The following XKR4 variants were observed in gnomAD, a reference collection of about 807,000 sequenced individuals.
The protein encoded by XKR4 is XK related 4.
XKR4 carries 12 observed loss-of-function variants against 53.9 expected under a neutral mutation model. The ratio of observed to expected loss-of-function variants is 0.22; its 90% CI spans 0.14 to 0.36. The LOEUF is 0.36. Among genes scored for constraint, XKR4 ranks in the 10% least tolerant of loss-of-function variants. XKR4 has a pLI of 1.00. For missense variants in XKR4, 799 were observed against 859.5 expected, an observed-to-expected ratio of 0.93 and a Z score of 0.88; for synonymous variants, 354 against 362.4, an observed-to-expected ratio of 0.98 and a Z score of 0.26.
rs1280860465 is a variant in XKR4, at chr8:55,230,402, A to ACC, written c.806+127110_806+127111dup. Among the ~76,000 whole-genome samples, 23 of 142,608 alleles carry ACC rather than the reference A, an allele frequency of 1.6e-4. 1 individual carries two copies. In the South Asian group the frequency reaches 3.5e-3, roughly 22 times the overall value. 93.6% of individuals were successfully genotyped at this position (142,608 alleles called of 152,430 possible). On this transcript the variant is annotated intron_variant, in intron 1 of 2. Transcript: ENST00000327381. ...TTTGAGACAGGGTTTCTCTCCCATC[A>ACC]CCCAGCCTTGAGTGCAGTGGTGCAA...
intron 1 of XKR4, chr8:55,163,978 C>T (rs1206116578): frequency 1.4e-5 from 4 of 286,460 alleles, no homozygotes; most frequent in Non-Finnish European, 2.8e-5. Flanking sequence ...TTCATTAATG[C>T]CTGCGTGCAT....
chr8:55,228,096 G>A (rs1458561604), intron 1 of XKR4, among the ~76,000 whole-genome samples: 5 of 152,040 alleles, frequency 3.3e-5, no homozygotes, highest in Non-Finnish European at 7.4e-5. Context: ...TAGTAGAGAC[G>A]GGGTTTCATC....
chr8:55,270,523 C>T (rs900446617), intron 1 of XKR4, among the ~76,000 whole-genome samples: 41 of 152,290 alleles, frequency 2.7e-4, no homozygotes, highest in African/African-American at 8.9e-4. Context: ...CCATTGTGAA[C>T]ATCTCACAAA....
chr8:55,476,583 C>G (rs192883617), intron 2 of XKR4, among the ~76,000 whole-genome samples: 5 of 151,898 alleles, frequency 3.3e-5, no homozygotes, highest in Non-Finnish European at 5.9e-5. Flanking sequence ...CAAGCTGAAG[C>G]AGGGCGAGGC....
In XKR4 at chr8:55,351,985, C is replaced by T. The variant is rs185239119; in HGVS notation, c.807-5693C>T. Among the ~76,000 whole-genome samples the T allele has an allele frequency of 3.6e-4, 55 of 152,274 alleles. 1 individual carries two copies. The highest frequency in any genetic ancestry group is 6.2e-4 in the South Asian group (3 of 4,826). On this transcript the variant is annotated intron_variant, in intron 1 of 2. Coordinates refer to ENST00000327381, the MANE Select transcript of XKR4 (RefSeq NM_052898.2). ...TAAAAGGATGCATGTTAATTGAGTG[C>T]TTATTAATCATCAGAAACTGAGCCA... is the stretch of plus-strand genomic sequence containing the variant.
chr8:55,218,015 T>C (rs2129364892), intron 1 of XKR4, among the ~76,000 whole-genome samples: 1 of 152,330 alleles, frequency 6.6e-6, no homozygotes, highest in South Asian at 2.1e-4. Flanking sequence ...CCTTTTTGAC[T>C]GGATGTTTCA....
At chr8:55,468,667 A>G (rs147637186) in intron 2 of XKR4, among the ~76,000 whole-genome samples, 20 of 152,286 alleles carry the variant, frequency 1.3e-4, no homozygotes, top group Admixed American at 2.6e-4. Context: ...GAATCATAAT[A>G]TAAGGATATA....
intron 2 of XKR4, among the ~76,000 whole-genome samples, chr8:55,496,794 C>A (rs1475468730): frequency 1.3e-5 from 2 of 152,178 alleles, no homozygotes; most frequent in Non-Finnish European, 2.9e-5. Context: ...TTTCCTAGTT[C>A]AACATTTCTC....
intron 1 of XKR4, among the ~76,000 whole-genome samples, chr8:55,233,929 A>C (rs1198276703): frequency 1.3e-5 from 2 of 152,258 alleles, no homozygotes; most frequent in Non-Finnish European, 2.9e-5. Context: ...GAAAGATAAC[A>C]ATCAGATAAT....
intron 1 of XKR4, among the ~76,000 whole-genome samples, chr8:55,243,914 G>A (rs182436088): frequency 7.9e-5 from 12 of 152,268 alleles, no homozygotes; most frequent in Admixed American, 2.6e-4. Context: ...AGCACCTGCC[G>A]CACACAATAA....
intron 2 of XKR4, among the ~76,000 whole-genome samples, chr8:55,497,696 A>G (rs1215102193): frequency 1.3e-5 from 2 of 152,170 alleles, no homozygotes; most frequent in Non-Finnish European, 2.9e-5. Context: ...TGCAATGTAT[A>G]TTTCTCCTAT....
chr8:55,349,145 A>AT (rs1803691900), intron 1 of XKR4, among the ~76,000 whole-genome samples: 1 of 152,142 alleles, frequency 6.6e-6, no homozygotes, highest in African/African-American at 2.4e-5. Context: ...ATCTCATCTT[A>AT]TTTTTAATTA....
intron 1 of XKR4, among the ~76,000 whole-genome samples, chr8:55,202,326 G>A (rs1174013966): frequency 6.6e-6 from 1 of 152,230 alleles, no homozygotes; most frequent in East Asian, 1.9e-4. Flanking sequence ...TACCGAGGGA[G>A]GCTGGGAGTT....
At chr8:55,151,685 G>A (rs1277043104) in intron 1 of XKR4, among the ~76,000 whole-genome samples, 4 of 152,154 alleles carry the variant, frequency 2.6e-5, no homozygotes, top group South Asian at 2.1e-4. Context: ...TGCTGTATGC[G>A]CTCCCCTCAC....
chr8:55,419,427 T>C (rs947808881), intron 2 of XKR4, among the ~76,000 whole-genome samples: 1 of 152,202 alleles, frequency 6.6e-6, no homozygotes, highest in Non-Finnish European at 1.5e-5. Flanking sequence ...TATTCCAATG[T>C]ATTGGGCTTA....
chr8:55,254,636 C>A (rs1447073655), intron 1 of XKR4, among the ~76,000 whole-genome samples: 2 of 152,132 alleles, frequency 1.3e-5, no homozygotes, highest in African/African-American at 4.8e-5. Context: ...AGGCACTGAG[C>A]AGAGGGTCAG....
chr8:55,285,757 TTGTC>T (rs1372208335), intron 1 of XKR4, among the ~76,000 whole-genome samples: 1 of 152,192 alleles, frequency 6.6e-6, no homozygotes, highest in East Asian at 1.9e-4. Context: ...GGAGATGGCT[TTGTC>T]TGGCTCAGTC....
chr8:55,326,177 C>T (rs1197138617), intron 1 of XKR4, among the ~76,000 whole-genome samples: 2 of 152,078 alleles, frequency 1.3e-5, no homozygotes, highest in African/African-American at 2.4e-5. Flanking sequence ...GACAGGCAGA[C>T]CTGTTAGTAT....
In XKR4 at chr8:55,102,709, C is replaced by T; in HGVS notation, c.221C>T (p.Ser74Phe). The T allele has an allele frequency of 8.7e-7, 1 of 1,151,476 alleles. No homozygotes were observed. The highest frequency in any genetic ancestry group is 1.6e-5 in the African/African-American group (1 of 60,760). The allele number at this position is 1,151,476 out of a possible 1,614,324, so 71.3% of individuals were successfully genotyped here. Residue 74 changes from serine to phenylalanine, a missense_variant, in exon 1 of 3, where the codon TCC (serine) becomes TTC (phenylalanine). This residue lies in a region of XKR4 where 476 missense variants were observed against 505.4 expected (regional missense o/e 0.94). Coordinates refer to ENST00000327381, the MANE Select transcript of XKR4 (RefSeq NM_052898.2). The surrounding 1 kb of genome is among the most constrained non-coding windows in gnomAD (Gnocchi z 5.1). ...CCCCCAGSGG[S>F]AGSGGSGGVA... ...TGCTGCTGCGCCGGGAGTGGCGGCT[C>T]CGCGGGCTCGGGCGGCTCCGGCGGC...
Sources: gnomAD v4.1 joint callset for allele counts (sites outside exome capture counted in the v4.1 genomes callset) on GRCh38, gnomAD v4.1.1 for gene constraint, gnomAD v4.1.1 regional missense constraint, Gnocchi (gnomAD v3.1) non-coding constraint, MANE v1.5 for transcripts, NCBI Gene and HGNC (gene_info 2026-07-23, HGNC 2026-07-21) for gene names.